HDHD3: variants seen among roughly 807,000 people sequenced by gnomAD.
The protein encoded by HDHD3 is haloacid dehalogenase-like hydrolase domain-containing protein 3.
HDHD3 carries 6 observed loss-of-function variants against 6.9 expected under a neutral mutation model. The observed-to-expected ratio is 0.87, with a 90% CI of 0.48 to 1.72. The LOEUF is 1.72. Among genes scored for constraint, HDHD3 ranks in the 40% most tolerant of loss-of-function variants. The pLI, the probability that HDHD3 is intolerant of heterozygous loss-of-function variation, is 0.01. For missense variants in HDHD3, 308 were observed against 327.4 expected, an observed-to-expected ratio of 0.94 and a Z score of 0.46; for synonymous variants, 139 against 140.7, an observed-to-expected ratio of 0.99 and a Z score of 0.08.
At position 113,374,003 on chromosome 9, in the gene HDHD3, C is replaced by T; in HGVS notation, c.352G>A (p.Glu118Lys). 1.2e-6 allele frequency: 2 copies of T among 1,614,220 alleles called. No homozygotes were observed. Among genetic ancestry groups the T allele is most frequent in the Non-Finnish European group, 1.7e-6 (2 of 1,180,034 alleles). The change falls in exon 3 of 3, where the codon GAG (glutamate) becomes AAG (lysine). Residue 118 changes from glutamate to lysine, a missense_variant. Coordinates refer to ENST00000374180, the MANE Select transcript of HDHD3 (RefSeq NM_001304509.2). ...PCTWQVLDGA[E>K]DTLRECRTRG... ...GTGCGGCACTCCCTCAGGGTGTCCT[C>T]AGCCCCATCCAACACCTGCCAGGTG...
intron 2 of HDHD3, 50 bp downstream of exon 2, chr9:113,375,403 T>C (rs919318347): frequency 3.9e-5 from 6 of 152,228 alleles, no homozygotes; most frequent in Admixed American, 1.3e-4. Flanking sequence ...ATGAACGATA[T>C]CTTGGCTGCT....
At chr9:113,376,527 TAGTGGAG>T (rs1564357502) in intron 1 of HDHD3, among the ~76,000 whole-genome samples, 195 bp downstream of exon 1, 7 of 126,058 alleles carry the variant, frequency 5.6e-5, no homozygotes, top group Admixed American at 1.6e-4. Flanking sequence ...TTTGTATTTT[TAGTGGAG>T]ACGGGGTTTC....
Position 113,374,087 on chromosome 9 carries a change from C to G in HDHD3, c.268G>C (p.Asp90His). 1 of 1,608,194 alleles carries G rather than the reference C, an allele frequency of 6.2e-7. No individual in the cohort carries two copies. The highest frequency in any genetic ancestry group is 8.5e-7 in the Non-Finnish European group (1 of 1,175,150). The change falls in exon 3 of 3, where the codon GAT becomes CAT. Residue 90 changes from aspartate to histidine, a missense_variant. Transcript: ENST00000374180. Reference sequence around the variant, plus strand: ...GCGATGGGGGCTACAGCCTGAGCATCCTGGACACCCGCCAGGTGGAAGGTC... The same window carrying G: ...GCGATGGGGGCTACAGCCTGAGCATGCTGGACACCCGCCAGGTGGAAGGTC... ...LQTFHLAGVQ[D>H]AQAVAPIAEQ...
chr9:113,375,879 G>C (rs1834447032), intron 1 of HDHD3: 1 of 152,106 alleles, frequency 6.6e-6, no homozygotes, highest in Non-Finnish European at 1.5e-5. Context: ...AGCCTTGGAG[G>C]AAGTTTGTCC....
At chr9:113,374,747 G>A (rs1445208411) in intron 2 of HDHD3, among the ~76,000 whole-genome samples, 2 of 152,216 alleles carry the variant, frequency 1.3e-5, no homozygotes, top group African/African-American at 2.4e-5. Flanking sequence ...ACGGATATTA[G>A]GCAAAGAACT....
intron 1 of HDHD3, chr9:113,375,845 G>A (rs1834446182): frequency 6.6e-6 from 1 of 152,172 alleles, no homozygotes; most frequent in African/African-American, 2.4e-5. Flanking sequence ...ACTTAGGGAA[G>A]GGCGTCACTG....
At chr9:113,376,490 G>A (rs181485691) in intron 1 of HDHD3, among the ~76,000 whole-genome samples, 1,939 of 134,974 alleles carry the variant, frequency 0.014, 221 homozygotes, top group Admixed American at 0.094. Flanking sequence ...TGGGACTACA[G>A]GCGCGCGCCA....
In HDHD3 at chr9:113,373,656, A is replaced by G; in HGVS notation, c.699T>C (p.Ser233=). The G allele has an allele frequency of 3.1e-6, 5 of 1,611,794 alleles. No individual in the cohort carries two copies. The highest frequency in any genetic ancestry group is 3.4e-6 in the Non-Finnish European group (4 of 1,178,794). Residue 233 remains serine, a synonymous_variant, in exon 3 of 3, where the codon TCT becomes TCC. Transcript: ENST00000374180. ...CAAGGGCAGGCAGGAGATGGGCCAG[A>G]GAGGGGAGGATGTGTTCTTTAGGTA... is the stretch of plus-strand genomic sequence containing the variant. ...DSVPKEHILP[S]LAHLLPALDC...
chr9:113,376,610 C>T (rs1486496037), intron 1 of HDHD3, 119 bp downstream of exon 1: 1 of 151,296 alleles, frequency 6.6e-6, no homozygotes, highest in Admixed American at 6.6e-5. Context: ...CACCCCGCCC[C>T]CCGGCCTCCC....
In HDHD3 at chr9:113,374,040, G is replaced by C; in HGVS notation, c.315C>G (p.Phe105Leu). 2.5e-6 allele frequency: 4 copies of C among 1,614,156 alleles called. No homozygotes were observed. Among genetic ancestry groups the C allele is most frequent in the Non-Finnish European group, 3.4e-6 (4 of 1,179,990 alleles). Residue 105 changes from phenylalanine (F) to leucine (L), a missense_variant, in exon 3 of 3, where the codon TTC becomes TTG. By Grantham distance (22) the Phe-to-Leu change is conservative (BLOSUM62 0). Coordinates refer to ENST00000374180, the MANE Select transcript of HDHD3 (RefSeq NM_001304509.2). ...ACACCTGCCAGGTGCAGGGGTGGCT[G>C]AAGTCTTTATAAAGCTGTTCAGCGA... ...APIAEQLYKD[F>L]SHPCTWQVLD...
Position 113,373,847 on chromosome 9 carries a change from G to A in HDHD3, c.508C>T (p.Pro170Ser). ...SEAAGWPKPD[P>S]RIFQEALRLA... is the part of the protein sequence containing the mutation. ...CGCAAGGCCTCCTGGAAAATGCGGG[G>A]GTCCGGCTTGGGCCAGCCAGCAGCC... Residue 170 changes from proline (P) to serine (S), a missense_variant, in exon 3 of 3, where the codon CCC becomes TCC. Physicochemically the swap from Pro to Ser is moderately conservative, Grantham distance 74 (BLOSUM62 -1). Coordinates refer to ENST00000374180, the MANE Select transcript of HDHD3 (RefSeq NM_001304509.2). 1 of 1,614,204 alleles carries A rather than the reference G, an allele frequency of 6.2e-7. No individual in the cohort carries two copies. The highest frequency in any genetic ancestry group is 8.5e-7 in the Non-Finnish European group (1 of 1,180,018).
At position 113,373,876 on chromosome 9, in the gene HDHD3, G is replaced by T; in HGVS notation, c.479C>A (p.Ser160Tyr). Reference sequence around the variant, plus strand: ...CGGCTTGGGCCAGCCAGCAGCCTCGGAGGTCAGCACAAAGTCGAAGTGTTC... The same window carrying T: ...CGGCTTGGGCCAGCCAGCAGCCTCGTAGGTCAGCACAAAGTCGAAGTGTTC... ...LREHFDFVLTSEAAGWPKPDP... is the reference protein window; with the variant it reads ...LREHFDFVLTYEAAGWPKPDP... Residue 160 changes from serine to tyrosine, a missense_variant, in exon 3 of 3, where the codon TCC becomes TAC. Coordinates refer to ENST00000374180, the MANE Select transcript of HDHD3 (RefSeq NM_001304509.2). 1 of 1,614,240 alleles carries T rather than the reference G, an allele frequency of 6.2e-7. No individual in the cohort carries two copies. Among genetic ancestry groups the T allele is most frequent in the Non-Finnish European group, 8.5e-7 (1 of 1,180,040 alleles).
rs1221906519 is a variant in HDHD3 at position 113,374,212 on chromosome 9, C to T, written c.143G>A (p.Gly48Asp). Residue 48 changes from glycine (G) to aspartate (D), a missense_variant, in exon 3 of 3, where the codon GGC (glycine) becomes GAC (aspartate). Physicochemically the swap from Gly to Asp is moderately conservative, Grantham distance 94 (BLOSUM62 -1). Transcript: ENST00000374180. ...CTGAGCCCTGTATGCCTGCCTGAAG[C>T]CTTGTTCCAGGGCTGAGGGCTCCAC... ...LEVEPSALEQ[G>D]FRQAYRAQSH... 15 of 1,607,226 alleles carry T rather than the reference C, an allele frequency of 9.3e-6. No individual in the cohort carries two copies. The highest frequency in any genetic ancestry group is 1.3e-5 in the Non-Finnish European group (15 of 1,175,464).
chr9:113,374,024 A>G lies in HDHD3; in HGVS notation c.331T>C (p.Trp111Arg). 6.2e-7 allele frequency: 1 copy of G among 1,614,162 alleles called. No individual in the cohort carries two copies. Among genetic ancestry groups the G allele is most frequent in the Non-Finnish European group, 8.5e-7 (1 of 1,179,988 alleles). ...TCCTCAGCCCCATCCAACACCTGCC[A>G]GGTGCAGGGGTGGCTGAAGTCTTTA... is the stretch of plus-strand genomic sequence containing the variant. ...LYKDFSHPCT[W>R]QVLDGAEDTL... Residue 111 changes from tryptophan to arginine, a missense_variant, in exon 3 of 3, where the codon TGG becomes CGG. Transcript: ENST00000374180.
At chr9:113,373,420 G>C (rs1005601919), downstream of HDHD3, 15 of 566,836 alleles carry the variant, frequency 2.6e-5, no homozygotes, top group Non-Finnish European at 4.1e-5. Flanking sequence ...GCTAGGAGCT[G>C]GTTAGTGGGG....
In HDHD3 at chr9:113,374,292, G is replaced by A. The variant is rs1425104476; in HGVS notation, c.63C>T (p.Leu21=). ...TWDVKDTLLR[L]RHPLGEAYAT... is the part of the protein sequence containing the mutation. ...CATAGGCCTCCCCTAAGGGGTGGCG[G>A]AGCCTGAGCAGCGTGTCCTTCACAT... is the stretch of plus-strand genomic sequence containing the variant. Residue 21 remains leucine (L), a synonymous_variant, in exon 3 of 3, where the codon CTC becomes CTT. Coordinates refer to ENST00000374180, the MANE Select transcript of HDHD3 (RefSeq NM_001304509.2). The A allele has an allele frequency of 6.5e-7, 1 of 1,548,730 alleles. No homozygotes were observed. Among genetic ancestry groups the A allele is most frequent in the Non-Finnish European group, 8.7e-7 (1 of 1,147,120 alleles).
chr9:113,373,836 G>GA lies in HDHD3; in HGVS notation c.518dup (p.Gln174ProfsTer20). Reference sequence around the variant, plus strand: ...TATGAGCAAGCCGCAAGGCCTCCTGGAAAATGCGGGGGTCCGGCTTGGGCC... The same window carrying GA: ...TATGAGCAAGCCGCAAGGCCTCCTGGAAAAATGCGGGGGTCCGGCTTGGGCC... On this transcript the variant is annotated frameshift_variant, in exon 3 of 3. Coordinates refer to ENST00000374180, the MANE Select transcript of HDHD3 (RefSeq NM_001304509.2). LOFTEE classifies it high-confidence loss of function. 1 of 1,614,152 alleles carries GA rather than the reference G, an allele frequency of 6.2e-7. No homozygotes were observed. The highest frequency in any genetic ancestry group is 8.5e-7 in the Non-Finnish European group (1 of 1,179,978).
chr9:113,374,481 T>G lies in HDHD3; in HGVS notation c.-127A>C, dbSNP rs1047952924. 2.5e-6 allele frequency: 2 copies of G among 812,572 alleles called. No individual in the cohort carries two copies. The highest frequency in any genetic ancestry group is 3.5e-6 in the Non-Finnish European group (2 of 564,024). 50.3% of individuals were successfully genotyped at this position (812,572 alleles called of 1,614,324 possible). On this transcript the variant is annotated 5_prime_UTR_variant, in exon 3 of 3. Coordinates refer to ENST00000374180, the MANE Select transcript of HDHD3 (RefSeq NM_001304509.2). ...TCTTTCCAGGCCTTGTGGGTCAGAT[T>G]TGCTGGCTAACATGAAGCACTTGGG... is the stretch of plus-strand genomic sequence containing the variant.
chr9:113,374,011 T>C lies in HDHD3; in HGVS notation c.344A>G (p.Asp115Gly), dbSNP rs768988479. 2.5e-6 allele frequency: 4 copies of C among 1,614,148 alleles called. No individual in the cohort carries two copies. Among genetic ancestry groups the C allele is most frequent in the East Asian group, 2.2e-5 (1 of 44,870 alleles). Residue 115 changes from aspartate to glycine, a missense_variant, in exon 3 of 3, where the codon GAT becomes GGT. Physicochemically the swap from Asp to Gly is moderately conservative, Grantham distance 94. Transcript: ENST00000374180. ...CTCCCTCAGGGTGTCCTCAGCCCCA[T>C]CCAACACCTGCCAGGTGCAGGGGTG... is the stretch of plus-strand genomic sequence containing the variant. ...FSHPCTWQVLDGAEDTLRECR... is the reference protein window; with the variant it reads ...FSHPCTWQVLGGAEDTLRECR...
Sources: gnomAD v4.1 joint callset for allele counts (sites outside exome capture counted in the v4.1 genomes callset) on GRCh38, gnomAD v4.1.1 for gene constraint, MANE v1.5 for transcripts, NCBI Gene and HGNC (gene_info 2026-07-23, HGNC 2026-07-21) for gene names.